ARHGAP32: variants seen among roughly 807,000 people sequenced by gnomAD.
The protein encoded by ARHGAP32 is Rho GTPase activating protein 32, also known as rho GTPase-activating protein 32.
ARHGAP32 carries 51 observed loss-of-function variants against 186.5 expected under a neutral mutation model. The observed-to-expected ratio is 0.27, with a 90% confidence interval of 0.22 to 0.35. ARHGAP32 has a LOEUF of 0.35. Ranked by LOEUF, ARHGAP32 falls within the 10% of genes least tolerant of loss-of-function variation. The pLI, the probability that ARHGAP32 is intolerant of heterozygous loss-of-function variation, is 1.00. For synonymous variants in ARHGAP32, 950 were observed against 964.3 expected (o/e 0.99, Z 0.27); for missense variants, 2,186 against 2,623.5 (o/e 0.83, Z 3.64).
chr11:129,110,935 T>C (rs1027324608), intron 5 of ARHGAP32, among the ~76,000 whole-genome samples: 1 of 152,220 alleles, frequency 6.6e-6, no homozygotes, highest in African/African-American at 2.4e-5. Flanking sequence ...TCTTGCCTGA[T>C]GGCTCTGGCT....
chr11:129,193,555 T>TGTTATATA (rs1944316701), upstream of ARHGAP32, among the ~76,000 whole-genome samples: 1 of 13,476 alleles, frequency 7.4e-5, no homozygotes, highest in African/African-American at 5.5e-4. Flanking sequence ...ATATAATATA[T>TGTTATATA]ATATATTATA....
At chr11:129,275,899 C>A (rs926854404) in intron 1 of ARHGAP32, among the ~76,000 whole-genome samples, 1 of 152,240 alleles carries the variant, frequency 6.6e-6, no homozygotes, top group African/African-American at 2.4e-5. Flanking sequence ...ATAATGCAGA[C>A]AAATTTAAAA....
intron 1 of ARHGAP32, among the ~76,000 whole-genome samples, chr11:129,225,475 G>A (rs1944768740): frequency 6.6e-6 from 1 of 152,130 alleles, no homozygotes; most frequent in Non-Finnish European, 1.5e-5. Context: ...GAAAATGACT[G>A]GTCCCAGGAG....
chr11:129,064,810 C>T lies in ARHGAP32; in HGVS notation c.762+31G>A, dbSNP rs185692964. 4,510 of 1,489,034 alleles carry T rather than the reference C, an allele frequency of 3.0e-3. 6 individuals carry two copies. The highest frequency in any genetic ancestry group is 3.8e-3 in the Non-Finnish European group (4,101 of 1,091,648). The allele number at this position is 1,489,034 out of a possible 1,614,324, so 92.2% of individuals were successfully genotyped here. A position where few individuals can be genotyped will look rare whatever the true frequency, so the allele number is the denominator to read the frequency against. The stretch of plus-strand genomic sequence containing the variant: ...TTCTTAAGTAGATAATTTAAATATA[C>T]ATTTTTCATGAAAAGTGAATTAGGA... On this transcript the variant is annotated intron_variant, in intron 8 of 22. Coordinates refer to ENST00000682385, the MANE Select transcript of ARHGAP32 (RefSeq NM_001378024.1).
intron 1 of ARHGAP32, among the ~76,000 whole-genome samples, chr11:129,224,597 A>G (rs567207624): frequency 1.3e-5 from 2 of 152,120 alleles, no homozygotes; most frequent in Admixed American, 1.3e-4. Context: ...CATGAAAACC[A>G]GCAACACATA....
rs116005041 is a variant in ARHGAP32 at position 129,103,017 on chromosome 11, A to T, written c.445-9310T>A. ...ACTGGATAAACAAAATGTGGTGCAC[A>T]CATTTACACATGTATACAAACAGGC... On this transcript the variant is annotated intron_variant, in intron 5 of 22. Transcript: ENST00000682385. 1.2e-3 allele frequency among the ~76,000 whole-genome samples: 190 copies of T among 152,334 alleles called. 2 individuals carry two copies. The highest frequency in any genetic ancestry group is 4.3e-3 in the African/African-American group (179 of 41,592).
At chr11:129,263,553 C>CA (rs60941082) in intron 1 of ARHGAP32, among the ~76,000 whole-genome samples, 118,070 of 137,066 alleles carry the variant, frequency 0.86, 51,067 homozygotes, top group Middle Eastern at 0.91. Flanking sequence ...TGGCTACTGG[C>CA]AAAAAAAAGG....
At chr11:129,236,081 T>C (rs1311553741) in intron 1 of ARHGAP32, among the ~76,000 whole-genome samples, 1 of 152,192 alleles carries the variant, frequency 6.6e-6, no homozygotes, top group Non-Finnish European at 1.5e-5. Context: ...TCCGGGTAGA[T>C]ACCTAGTAGT....
intron 1 of ARHGAP32, among the ~76,000 whole-genome samples, chr11:129,202,667 C>G (rs1944468925): frequency 6.6e-6 from 1 of 152,066 alleles, no homozygotes; most frequent in South Asian, 2.1e-4. Context: ...CCCATCCTAA[C>G]CTATGAAGAA....
At chr11:129,082,912 C>A (rs569186327) in intron 6 of ARHGAP32, among the ~76,000 whole-genome samples, 21 of 151,434 alleles carry the variant, frequency 1.4e-4, no homozygotes, top group African/African-American at 3.6e-4. Context: ...ACAACAACAA[C>A]AAATAATTCC....
chr11:129,029,669 G>A (rs1008094411), intron 11 of ARHGAP32, among the ~76,000 whole-genome samples: 1 of 151,864 alleles, frequency 6.6e-6, no homozygotes, highest in African/African-American at 2.4e-5. Context: ...CGGGCGTGGT[G>A]CAGGCGCCTG....
At position 128,970,923 on chromosome 11, in the gene ARHGAP32, G is replaced by A; in HGVS notation, c.4290C>T (p.Thr1430=). The A allele has an allele frequency of 1.9e-6, 3 of 1,614,082 alleles. No individual in the cohort carries two copies. Among genetic ancestry groups the A allele is most frequent in the Non-Finnish European group, 2.5e-6 (3 of 1,179,980 alleles). Reference sequence around the variant, plus strand: ...CAATCATCTTACTCTCCATCATCCTGGTGGGGGGCAGTGGTGCAGGAAAGC... The same window carrying A: ...CAATCATCTTACTCTCCATCATCCTAGTGGGGGGCAGTGGTGCAGGAAAGC... ...PCGFPAPLPP[T]RMMESKMIAA... The change falls in exon 23 of 23, where the codon ACC becomes ACT. Residue 1430 remains threonine, a synonymous_variant. Coordinates refer to ENST00000682385, the MANE Select transcript of ARHGAP32 (RefSeq NM_001378024.1). The surrounding 1 kb of genome is among the most constrained non-coding windows in gnomAD (Gnocchi z 5.8).
At chr11:129,103,365 GA>G (rs1232886686) in intron 5 of ARHGAP32, among the ~76,000 whole-genome samples, 1 of 151,710 alleles carries the variant, frequency 6.6e-6, no homozygotes, top group Non-Finnish European at 1.5e-5. Context: ...ATCACTAAGA[GA>G]AAAAAAGAAT....
chr11:129,155,645 T>C (rs1292296639), intron 2 of ARHGAP32, among the ~76,000 whole-genome samples: 1 of 152,158 alleles, frequency 6.6e-6, no homozygotes, highest in Non-Finnish European at 1.5e-5. Flanking sequence ...GAAAGTCATT[T>C]ACCAATGGTG....
At chr11:129,072,683 G>A (rs1940907905) in intron 6 of ARHGAP32, among the ~76,000 whole-genome samples, 1 of 152,152 alleles carries the variant, frequency 6.6e-6, no homozygotes, top group Non-Finnish European at 1.5e-5. Flanking sequence ...TAAATTGCTA[G>A]AGGCTCAGGG....
chr11:129,098,442 G>A (rs574444461), intron 5 of ARHGAP32, among the ~76,000 whole-genome samples: 7 of 148,994 alleles, frequency 4.7e-5, no homozygotes, highest in South Asian at 4.2e-4. Context: ...TTTTTGAGAC[G>A]GAGTCTTGCT....
intron 1 of ARHGAP32, among the ~76,000 whole-genome samples, chr11:129,245,411 G>C (rs1945078528): frequency 6.8e-6 from 1 of 148,142 alleles, no homozygotes; most frequent in South Asian, 2.2e-4. Flanking sequence ...AGATCACATG[G>C]ACACAGGAAG....
At chr11:129,161,360 T>C (rs1167429839) in intron 2 of ARHGAP32, among the ~76,000 whole-genome samples, 3 of 151,376 alleles carry the variant, frequency 2.0e-5, no homozygotes, top group Non-Finnish European at 4.4e-5. Flanking sequence ...ATCATCAGAG[T>C]GAACAGGCAA....
At chr11:129,141,288 G>A (rs1205268861) in intron 2 of ARHGAP32, among the ~76,000 whole-genome samples, 1 of 150,976 alleles carries the variant, frequency 6.6e-6, no homozygotes, top group Non-Finnish European at 1.5e-5. Context: ...TCTCAGCATT[G>A]CCATAAAAAA....
Sources: allele counts gnomAD v4.1 joint callset (sites outside exome capture counted in the v4.1 genomes callset), GRCh38; gene constraint gnomAD v4.1.1; non-coding constraint Gnocchi (gnomAD v3.1); transcripts MANE v1.5; gene names NCBI Gene and HGNC (gene_info 2026-07-23, HGNC 2026-07-21).